RORA: variants seen among roughly 807,000 people sequenced by gnomAD.
RORA encodes the protein nuclear receptor ROR-alpha.
Under a neutral mutation model 69.5 loss-of-function variants are expected in RORA, and 7 were observed. The ratio of observed to expected loss-of-function variants is 0.10; its 90% CI spans 0.06 to 0.19. The LOEUF (loss-of-function observed/expected upper bound fraction) is 0.19, where lower values mean the gene tolerates loss of function less well. Ranked by LOEUF, RORA falls within the 10% of genes least tolerant of loss-of-function variation. The pLI is 1.00. For missense variants in RORA, 457 were observed against 663.0 expected (o/e 0.69, Z 3.41); for synonymous variants, 261 against 240.8 (o/e 1.08, Z -0.78).
chr15:61,202,997 A>G (rs1299744386), intron 1 of RORA, among the ~76,000 whole-genome samples: 1 of 152,220 alleles, frequency 6.6e-6, no homozygotes, highest in Non-Finnish European at 1.5e-5. Flanking sequence ...CAAGTTCACT[A>G]TACGTAAGAT....
chr15:60,790,981 C>G (rs991739410), intron 1 of RORA, among the ~76,000 whole-genome samples: 7 of 152,110 alleles, frequency 4.6e-5, no homozygotes, highest in Non-Finnish European at 7.4e-5. Context: ...ATTGCCCCCC[C>G]AAAAAGCTTC....
chr15:61,033,419 C>CAAAAACAAAACAAAAA (rs369843399), intron 1 of RORA, among the ~76,000 whole-genome samples: 8 of 150,534 alleles, frequency 5.3e-5, no homozygotes, highest in East Asian at 3.9e-4. Context: ...AAAAAAAAAA[C>CAAAAACAAAACAAAAA]AAAAACCAGT....
At chr15:60,878,343 CAAAAAAAAAAAAAAAA>C (rs35845582) in intron 1 of RORA, among the ~76,000 whole-genome samples, 3 of 68,408 alleles carry the variant, frequency 4.4e-5, no homozygotes, top group African/African-American at 1.6e-4. Flanking sequence ...GACTCTGTCT[CAAAAAAAAAAAAAAAA>C]AAAAAAAAAG....
chr15:61,199,291 C>A (rs1303939277), intron 1 of RORA, among the ~76,000 whole-genome samples: 5 of 152,152 alleles, frequency 3.3e-5, no homozygotes, highest in African/African-American at 1.2e-4. Flanking sequence ...AATAAAGCTT[C>A]TTTTCCTCAT....
At chr15:60,664,227 C>G (rs2070348517) in intron 2 of RORA, among the ~76,000 whole-genome samples, 1 of 152,086 alleles carries the variant, frequency 6.6e-6, no homozygotes, top group African/African-American at 2.4e-5. Context: ...TTAGAGATAC[C>G]AGGCAGGACT....
chr15:61,078,552 T>C (rs905903818), intron 1 of RORA, among the ~76,000 whole-genome samples: 1 of 152,274 alleles, frequency 6.6e-6, no homozygotes, highest in Middle Eastern at 3.4e-3. Flanking sequence ...GTAACTATTC[T>C]AGGCAGATAC....
At chr15:60,793,266 A>G (rs2072443299) in intron 1 of RORA, among the ~76,000 whole-genome samples, 1 of 152,200 alleles carries the variant, frequency 6.6e-6, no homozygotes, top group Non-Finnish European at 1.5e-5. Context: ...GGTTACAGTA[A>G]CTAAGTCTTA....
chr15:60,777,006 T>TA (rs1364973699), intron 1 of RORA, among the ~76,000 whole-genome samples: 1 of 152,228 alleles, frequency 6.6e-6, no homozygotes, highest in Admixed American at 6.5e-5. Context: ...TCTTCATTGA[T>TA]ATATCTCTAG....
chr15:61,116,105 T>C (rs1315556664), intron 1 of RORA, among the ~76,000 whole-genome samples: 1 of 152,138 alleles, frequency 6.6e-6, no homozygotes, highest in Non-Finnish European at 1.5e-5. Flanking sequence ...ACCACTGTTC[T>C]TGACGCAGGA....
chr15:60,671,143 G>A (rs962652971), intron 2 of RORA, among the ~76,000 whole-genome samples: 17 of 145,528 alleles, frequency 1.2e-4, no homozygotes, highest in African/African-American at 4.2e-4. Context: ...TTTTGGGTTT[G>A]GATAGGTTTC....
At position 60,497,599 on chromosome 15, in the gene RORA, G is replaced by T. The variant is rs11071539; in HGVS notation, c.1428C>A (p.Thr476=). The T allele has an allele frequency of 0.99, 1,595,323 of 1,612,332 alleles. 790,256 individuals are homozygous for T. Among genetic ancestry groups the T allele is most frequent in the East Asian group, 1 (44,875 of 44,876 alleles). The change falls in exon 11 of 11, where the codon ACC becomes ACA. Residue 476 remains threonine, a synonymous_variant. Coordinates refer to ENST00000335670, the MANE Select transcript of RORA (RefSeq NM_134261.3). ...TATGTCGTCCACATAAGGCTCTTAA[G>T]GTAGACACCTTGCATATTAACTGTA... ...ILTKLICKVS[T]LRALCGRHTE...
intron 1 of RORA, among the ~76,000 whole-genome samples, chr15:60,899,148 G>A (rs139275868): frequency 3.3e-5 from 5 of 152,324 alleles, no homozygotes; most frequent in Admixed American, 1.3e-4. Context: ...CAGCCAATAG[G>A]TAATCATGTT....
At chr15:60,824,121 T>G (rs1042932915) in intron 1 of RORA, among the ~76,000 whole-genome samples, 2 of 152,126 alleles carry the variant, frequency 1.3e-5, no homozygotes, top group African/African-American at 4.8e-5. Context: ...CTTTCCTAAT[T>G]TAGGTTCAGG....
At chr15:60,830,885 A>T (rs1488131616) in intron 1 of RORA, among the ~76,000 whole-genome samples, 1 of 152,260 alleles carries the variant, frequency 6.6e-6, no homozygotes, top group Non-Finnish European at 1.5e-5. Flanking sequence ...TTAATGGAAC[A>T]GAAATATTTT....
intron 1 of RORA, among the ~76,000 whole-genome samples, chr15:61,178,369 C>A (rs1273334415): frequency 6.6e-6 from 1 of 152,196 alleles, no homozygotes. Context: ...AATTAAAACT[C>A]TTTCATCCTT....
chr15:60,991,898 C>T (rs974589222), intron 1 of RORA, among the ~76,000 whole-genome samples: 3 of 120,360 alleles, frequency 2.5e-5, no homozygotes, highest in African/African-American at 1.1e-4. Context: ...AGAGCGAGAC[C>T]GTGCCTCAAA....
chr15:61,028,016 T>C (rs1895923387), intron 1 of RORA, among the ~76,000 whole-genome samples: 1 of 152,172 alleles, frequency 6.6e-6, no homozygotes, highest in African/African-American at 2.4e-5. Context: ...ATAAATTATT[T>C]CCTAAGAGAA....
intron 1 of RORA, among the ~76,000 whole-genome samples, chr15:60,915,536 T>C (rs532022009): frequency 6.6e-6 from 1 of 152,328 alleles, no homozygotes; most frequent in African/African-American, 2.4e-5. Context: ...GCGCGAATAC[T>C]CTATTTCTGC....
intron 1 of RORA, among the ~76,000 whole-genome samples, chr15:61,019,449 T>C (rs1895424390): frequency 6.6e-6 from 1 of 152,198 alleles, no homozygotes; most frequent in South Asian, 2.1e-4. Context: ...AAACATTATT[T>C]CCTGCTAATA....
Sources: allele counts gnomAD v4.1 joint callset (sites outside exome capture counted in the v4.1 genomes callset), GRCh38; gene constraint gnomAD v4.1.1; transcripts MANE v1.5; gene names NCBI Gene and HGNC (gene_info 2026-07-23, HGNC 2026-07-21).